Variants in NELL1 observed in about 807,000 individuals in gnomAD.
The protein encoded by NELL1 is protein kinase C-binding protein NELL1.
In NELL1, 76 loss-of-function variants were observed where a neutral mutation model predicts 107.4. The ratio of observed to expected loss-of-function variants is 0.71; its 90% confidence interval spans 0.59 to 0.86. The LOEUF is 0.86. NELL1 is among the 40% of genes least tolerant of loss of function. The pLI, the probability that NELL1 is intolerant of heterozygous loss-of-function variation, is 0.00. For missense variants in NELL1, 1,024 were observed against 1,005.5 expected, an observed-to-expected ratio of 1.02 and a Z score of -0.25; for synonymous variants, 353 against 341.2, an observed-to-expected ratio of 1.03 and a Z score of -0.38.
Position 20,721,234 on chromosome 11 carries a change from T to TCA in NELL1, c.184+43174_184+43175insCA, listed in dbSNP as rs1554906607. Among the ~76,000 whole-genome samples, 217 of 138,852 alleles carry TCA rather than the reference T, an allele frequency of 1.6e-3. 1 individual carries two copies. Among genetic ancestry groups the TCA allele is most frequent in the Admixed American group, 2.5e-3 (34 of 13,872 alleles). 91.1% of individuals were successfully genotyped at this position (138,852 alleles called of 152,430 possible). A position where few individuals can be genotyped will look rare whatever the true frequency, so the allele number is the denominator to read the frequency against. On this transcript the variant is annotated intron_variant, in intron 2 of 19. Coordinates refer to ENST00000357134, the MANE Select transcript of NELL1 (RefSeq NM_006157.5). ...TATTTTGTTTATATATATATTTTGT[T>TCA]TATATATATATATATTTATTTGTTT...
At position 21,390,538 on chromosome 11, in the gene NELL1, C is replaced by CAT. The variant is rs1554903982; in HGVS notation, c.1645+19590_1645+19591insAT. ...ACACACACACACACACACACACACA[C>CAT]GTGCGCACGCACCCAAACACTTCCC... is the stretch of plus-strand genomic sequence containing the variant. On this transcript the variant is annotated intron_variant, in intron 15 of 19. Coordinates refer to ENST00000357134, the MANE Select transcript of NELL1 (RefSeq NM_006157.5). Among the ~76,000 whole-genome samples the CAT allele has an allele frequency of 1.3e-4, 19 of 150,792 alleles. 1 individual carries two copies. In the South Asian group the frequency reaches 2.3e-3, roughly 18 times the overall value.
intron 12 of NELL1, among the ~76,000 whole-genome samples, chr11:21,055,555 G>C (rs1428780632): frequency 6.6e-6 from 1 of 152,024 alleles, no homozygotes; most frequent in Non-Finnish European, 1.5e-5. Context: ...TTGAGCATCT[G>C]GTTCACTAAT....
At chr11:21,178,827 A>C (rs1856764749) in intron 13 of NELL1, among the ~76,000 whole-genome samples, 1 of 151,766 alleles carries the variant, frequency 6.6e-6, no homozygotes, top group Non-Finnish European at 1.5e-5. Flanking sequence ...AAAAGATTCA[A>C]CTTAAAGGAT....
At chr11:21,476,239 A>G (rs1007482028) in intron 15 of NELL1, among the ~76,000 whole-genome samples, 25 of 152,284 alleles carry the variant, frequency 1.6e-4, no homozygotes, top group African/African-American at 6.0e-4. Flanking sequence ...TCCTATTAAT[A>G]TGGGCCTTTC....
chr11:21,342,577 G>A (rs1420607864), intron 14 of NELL1, among the ~76,000 whole-genome samples: 13 of 151,214 alleles, frequency 8.6e-5, no homozygotes, highest in East Asian at 2.0e-4. Context: ...CCAGGTAGTC[G>A]AGGCTGGAGT....
intron 15 of NELL1, among the ~76,000 whole-genome samples, chr11:21,489,380 C>CAAAAAAAATAAAAAAAAAAAAAAA (rs1854732919): frequency 2.1e-5 from 1 of 47,800 alleles, no homozygotes; most frequent in Non-Finnish European, 4.0e-5. Context: ...GAAAGTATTT[C>CAAAAAAAATAAAAAAAAAAAAAAA]AAAAAAAAAA....
intron 14 of NELL1, among the ~76,000 whole-genome samples, chr11:21,364,309 G>T (rs1851159783): frequency 6.7e-6 from 1 of 149,724 alleles, no homozygotes; most frequent in African/African-American, 2.5e-5. Context: ...TACTCGGGAG[G>T]CCGAGGCAGT....
At chr11:20,878,049 T>A (rs1849337866) in intron 4 of NELL1, among the ~76,000 whole-genome samples, 2 of 152,120 alleles carry the variant, frequency 1.3e-5, no homozygotes, top group Admixed American at 6.5e-5. Context: ...AAGCAGTAAA[T>A]CATGTGCTTT....
At chr11:20,741,829 G>A (rs1468276406) in intron 2 of NELL1, among the ~76,000 whole-genome samples, 3 of 152,192 alleles carry the variant, frequency 2.0e-5, no homozygotes, top group African/African-American at 7.2e-5. Flanking sequence ...ACGTAATTCT[G>A]TGCTCAGTTA....
intron 5 of NELL1, among the ~76,000 whole-genome samples, chr11:20,889,701 A>C (rs981596696): frequency 6.6e-6 from 1 of 152,258 alleles, no homozygotes; most frequent in Non-Finnish European, 1.5e-5. Context: ...AAAATTGACT[A>C]GAAGGCTGGC....
intron 4 of NELL1, among the ~76,000 whole-genome samples, chr11:20,858,544 A>C (rs1658058405): frequency 6.6e-6 from 1 of 152,336 alleles, no homozygotes; most frequent in African/African-American, 2.4e-5. Context: ...CCCATGTAGG[A>C]CCAGGCCATA....
intron 2 of NELL1, among the ~76,000 whole-genome samples, chr11:20,693,198 T>C (rs915414130): frequency 6.6e-6 from 1 of 151,938 alleles, no homozygotes; most frequent in Non-Finnish European, 1.5e-5. Flanking sequence ...GTGAGATGGG[T>C]TTCCTGAATA....
chr11:21,476,404 C>CA, intron 15 of NELL1, among the ~76,000 whole-genome samples: 1 of 152,178 alleles, frequency 6.6e-6, no homozygotes, highest in East Asian at 1.9e-4. Flanking sequence ...TCATGGACCT[C>CA]TAGAAAGACA....
intron 12 of NELL1, among the ~76,000 whole-genome samples, chr11:21,084,789 G>A (rs1390329896): frequency 9.2e-5 from 14 of 152,148 alleles, no homozygotes; most frequent in Admixed American, 6.5e-4. Flanking sequence ...CTATAGTTGG[G>A]AGAGCTTAGT....
intron 15 of NELL1, among the ~76,000 whole-genome samples, chr11:21,517,939 A>G (rs10741883): frequency 0.9 from 136,137 of 151,828 alleles, 61,790 homozygotes; most frequent in Non-Finnish European, 0.97. Context: ...CTTCTTCATG[A>G]GACCAGCTCT....
intron 15 of NELL1, among the ~76,000 whole-genome samples, chr11:21,449,427 G>T (rs1180340815): frequency 6.6e-6 from 1 of 151,510 alleles, no homozygotes; most frequent in Non-Finnish European, 1.5e-5. Flanking sequence ...TCTTTTTATT[G>T]ACTTTTGAGA....
At chr11:21,285,073 T>C (rs1293081163) in intron 14 of NELL1, 1 of 153,810 alleles carries the variant, frequency 6.5e-6, no homozygotes, top group African/African-American at 2.4e-5. Context: ...AGAAACCAGC[T>C]TATCCTTTAA....
chr11:21,403,317 C>A (rs1852143184), intron 15 of NELL1, among the ~76,000 whole-genome samples: 1 of 151,698 alleles, frequency 6.6e-6, no homozygotes, highest in South Asian at 2.1e-4. Context: ...AGCTCATAGA[C>A]CAAACCTTCA....
At chr11:20,715,018 C>T (rs142911465) in intron 2 of NELL1, among the ~76,000 whole-genome samples, 4,460 of 152,046 alleles carry the variant, frequency 0.029, 77 homozygotes, top group Non-Finnish European at 0.034. Flanking sequence ...CCAAGGCGGG[C>T]GGATCACGAG....
Sources: allele counts gnomAD v4.1 joint callset (sites outside exome capture counted in the v4.1 genomes callset), GRCh38; gene constraint gnomAD v4.1.1; transcripts MANE v1.5; gene names NCBI Gene and HGNC (gene_info 2026-07-23, HGNC 2026-07-21).